FATE1: variants seen among roughly 807,000 people sequenced by gnomAD.
FATE1 encodes fetal and adult testis expressed 1.
Under a neutral mutation model 16.0 loss-of-function variants are expected in FATE1, and 18 were observed. The observed-to-expected ratio is 1.12, with a 90% CI of 0.78 to 1.66. FATE1 has a LOEUF of 1.66. Among genes scored for constraint, FATE1 ranks in the 40% most tolerant of loss-of-function variants. The pLI, the probability that FATE1 is intolerant of heterozygous loss-of-function variation, is 0.00. For synonymous variants in FATE1, 76 were observed against 56.9 expected, an observed-to-expected ratio of 1.34 and a Z score of -1.51; for missense variants, 169 against 152.7, an observed-to-expected ratio of 1.11 and a Z score of -0.56.
chrX:151,717,755 G>A (rs866859368), intron 2 of FATE1, among the ~76,000 whole-genome samples: 12 of 111,673 alleles, frequency 1.1e-4, no homozygotes, highest in African/African-American at 3.9e-4. Flanking sequence ...CACACAATAA[G>A]TCAGGTGAGG....
intron 4 of FATE1, among the ~76,000 whole-genome samples, 177 bp downstream of exon 4, chrX:151,722,158 G>A (rs1313033407): frequency 9.0e-6 from 1 of 110,901 alleles, no homozygotes; most frequent in Non-Finnish European, 1.9e-5. Context: ...CCGCATAGAT[G>A]TCCAGCCTCA....
intron 4 of FATE1, among the ~76,000 whole-genome samples, 175 bp downstream of exon 4, chrX:151,722,156 A>C (rs2015122123): frequency 9.0e-6 from 1 of 110,692 alleles, no homozygotes; most frequent in African/African-American, 3.3e-5. Context: ...CCCCGCATAG[A>C]TGTCCAGCCT....
intron 2 of FATE1, among the ~76,000 whole-genome samples, chrX:151,718,106 G>A (rs2015077542): frequency 1.2e-5 from 1 of 80,995 alleles, no homozygotes; most frequent in African/African-American, 4.7e-5. Flanking sequence ...AAGAAAGAGA[G>A]AGAGAGGAAG....
In FATE1 at chrX:151,722,739, T is replaced by C; in HGVS notation, c.532T>C (p.Trp178Arg). The stretch of plus-strand genomic sequence containing the variant: ...GGTGTCGGCCAGCATTGCCAACCTG[T>C]GGCTGTGGATGAACCAGTGATCGCC... The part of the protein sequence containing the change: ...VLVSASIANL[W>R]LWMNQ The change falls in exon 5 of 5, where the codon TGG (tryptophan) becomes CGG (arginine). Residue 178 changes from tryptophan to arginine, a missense_variant. By Grantham distance (101) the Trp-to-Arg change is moderately radical (BLOSUM62 -3). Coordinates refer to ENST00000370350, the MANE Select transcript of FATE1 (RefSeq NM_033085.3). 1 of 1,210,498 alleles carries C rather than the reference T, an allele frequency of 8.3e-7. No individual in the cohort carries two copies. Among genetic ancestry groups the C allele is most frequent in the Non-Finnish European group, 1.1e-6 (1 of 894,662 alleles).
intron 2 of FATE1, among the ~76,000 whole-genome samples, chrX:151,718,901 G>A (rs1197777778): frequency 1.8e-5 from 2 of 112,051 alleles, no homozygotes; most frequent in Non-Finnish European, 3.8e-5. Flanking sequence ...TGATTTATTG[G>A]GTGGCCCCAG....
Position 151,721,357 on chromosome X carries a change from G to A in FATE1, c.235-38G>A, listed in dbSNP as rs780796397. Reference sequence around the variant, plus strand: ...AAACTGGAGAAGCCACTCATGTGGGGTTGGGCAGGCTACTTTACTGACCAT... The same window carrying A: ...AAACTGGAGAAGCCACTCATGTGGGATTGGGCAGGCTACTTTACTGACCAT... On this transcript the variant is annotated intron_variant, in intron 2 of 4. Coordinates refer to ENST00000370350, the MANE Select transcript of FATE1 (RefSeq NM_033085.3). 51 of 1,160,723 alleles carry A rather than the reference G, an allele frequency of 4.4e-5. No individual in the cohort carries two copies. The Admixed American group carries it at 1.1e-3, about 25-fold the overall frequency.
In FATE1 at chrX:151,716,811, C is replaced by T. The variant is rs892426064; in HGVS notation, c.107-461C>T. On this transcript the variant is annotated intron_variant, in intron 1 of 4. Transcript: ENST00000370350. ...TTCCCTCAATTTCCCAGGGCTGGGT[C>T]CTTTTTTTCCTTCAGGTCCCCACCT... Among the ~76,000 whole-genome samples the T allele has an allele frequency of 2.7e-5, 3 of 111,417 alleles. No homozygotes were observed. The South Asian group carries it at 1.2e-3, about 43-fold the overall frequency.
At chrX:151,721,620 G>A (rs2015116798) in intron 3 of FATE1, 119 bp downstream of exon 3, 1 of 634,177 alleles carries the variant, frequency 1.6e-6, no homozygotes, top group Admixed American at 2.7e-5. Context: ...CTCCCTGTCA[G>A]AGACCATGAG....
intron 1 of FATE1, among the ~76,000 whole-genome samples, chrX:151,716,525 T>C (rs1306703059): frequency 9.0e-6 from 1 of 111,649 alleles, no homozygotes; most frequent in East Asian, 2.8e-4. Flanking sequence ...GCTCAAATTA[T>C]GAGACCAGAG....
In FATE1 at chrX:151,722,646, C is replaced by A; in HGVS notation, c.439C>A (p.Arg147Ser). The change falls in exon 5 of 5, where the codon CGT (arginine) becomes AGT (serine). Residue 147 changes from arginine to serine, a missense_variant. Physicochemically the swap from Arg to Ser is moderately radical, Grantham distance 110. Transcript: ENST00000370350. ...MRRQLYAVNR[R>S]LRALEEQGAT... ...TCTGCAGCTGTATGCAGTCAACCGGCGTCTGCGCGCCCTGGAGGAACAGGG... is the reference window on the plus strand; with the variant it reads ...TCTGCAGCTGTATGCAGTCAACCGGAGTCTGCGCGCCCTGGAGGAACAGGG... The A allele has an allele frequency of 1.6e-6, 2 of 1,212,294 alleles. No homozygotes were observed. The highest frequency in any genetic ancestry group is 2.2e-6 in the Non-Finnish European group (2 of 895,535).
In FATE1 at chrX:151,722,784, G is replaced by T; in HGVS notation, c.*25G>T. The T allele has an allele frequency of 9.3e-6, 11 of 1,187,626 alleles. No homozygotes were observed. The highest frequency in any genetic ancestry group is 1.2e-5 in the Non-Finnish European group (11 of 882,588). On this transcript the variant is annotated 3_prime_UTR_variant, in exon 5 of 5. Transcript: ENST00000370350. ...ATCGCCCCAGCGCGGCCTCCGTATT[G>T]GAGCCCTCCCTGCTTCCCCTTCTTT...
chrX:151,716,468 C>T (rs1163571830), intron 1 of FATE1, among the ~76,000 whole-genome samples: 1 of 111,152 alleles, frequency 9.0e-6, no homozygotes, highest in South Asian at 3.9e-4. Flanking sequence ...ACCTCTGTCT[C>T]CCCCTTATCC....
At chrX:151,718,132 G>A (rs1430676796) in intron 2 of FATE1, among the ~76,000 whole-genome samples, 9 of 79,767 alleles carry the variant, frequency 1.1e-4, no homozygotes, top group African/African-American at 3.1e-4. Flanking sequence ...AAGGAAGGAA[G>A]GAAGGAAGGA....
Position 151,717,310 on chromosome X carries a change from C to T in FATE1, c.145C>T (p.Gln49Ter). ...ELGSRSRGAS[Q>*]KKQKLEQKAA... is the part of the protein sequence containing the mutation. Reference sequence around the variant, plus strand: ...TGGATCTCGGTCCCGGGGTGCCTCCCAGAAGAAGCAGAAGTTGGAACAAAA... The same window carrying T: ...TGGATCTCGGTCCCGGGGTGCCTCCTAGAAGAAGCAGAAGTTGGAACAAAA... The change falls in exon 2 of 5, where the codon CAG (glutamine) becomes TAG (stop). Residue 49 changes from glutamine (Q) to a stop codon, truncating the protein, a stop_gained. Coordinates refer to ENST00000370350, the MANE Select transcript of FATE1 (RefSeq NM_033085.3). LOFTEE classifies it high-confidence loss of function. 1 of 1,207,783 alleles carries T rather than the reference C, an allele frequency of 8.3e-7. No homozygotes were observed. The highest frequency in any genetic ancestry group is 1.1e-6 in the Non-Finnish European group (1 of 893,146).
intron 4 of FATE1, 110 bp downstream of exon 4, chrX:151,722,091 G>A: frequency 1.0e-5 from 7 of 679,431 alleles, no homozygotes; most frequent in East Asian, 3.3e-5. Context: ...TCCCTTTAGC[G>A]CTGGAGGTGG....
At chrX:151,718,602 T>C (rs1003906009) in intron 2 of FATE1, among the ~76,000 whole-genome samples, 6 of 107,349 alleles carry the variant, frequency 5.6e-5, no homozygotes, top group African/African-American at 2.1e-4. Flanking sequence ...GGAAATCATG[T>C]GAGTCCCATA....
Position 151,722,780 on chromosome X carries a change from T to C in FATE1, c.*21T>C. 8.4e-7 allele frequency: 1 copy of C among 1,188,705 alleles called. No individual in the cohort carries two copies. Among genetic ancestry groups the C allele is most frequent in the African/African-American group, 1.7e-5 (1 of 57,187 alleles). Reference sequence around the variant, plus strand: ...AGTGATCGCCCCAGCGCGGCCTCCGTATTGGAGCCCTCCCTGCTTCCCCTT... The same window carrying C: ...AGTGATCGCCCCAGCGCGGCCTCCGCATTGGAGCCCTCCCTGCTTCCCCTT... On this transcript the variant is annotated 3_prime_UTR_variant, in exon 5 of 5. Coordinates refer to ENST00000370350, the MANE Select transcript of FATE1 (RefSeq NM_033085.3).
chrX:151,716,040 T>A lies in FATE1; in HGVS notation c.-80T>A. The A allele has an allele frequency of 2.1e-5, 18 of 848,966 alleles. No homozygotes were observed. The highest frequency in any genetic ancestry group is 3.0e-5 in the Non-Finnish European group (18 of 601,451). The allele number at this position is 848,966 out of a possible 1,213,427, so 70.0% of individuals were successfully genotyped here. On this transcript the variant is annotated 5_prime_UTR_variant, in exon 1 of 5. Coordinates refer to ENST00000370350, the MANE Select transcript of FATE1 (RefSeq NM_033085.3). Reference sequence around the variant, plus strand: ...CTTGAGCTCCTGTTTCCGGAAGAGGTGATTTTCTGAGTGTGACTCCTCTGT... The same window carrying A: ...CTTGAGCTCCTGTTTCCGGAAGAGGAGATTTTCTGAGTGTGACTCCTCTGT...
At chrX:151,718,413 A>G (rs1002290591) in intron 2 of FATE1, among the ~76,000 whole-genome samples, 2 of 112,013 alleles carry the variant, frequency 1.8e-5, no homozygotes, top group Middle Eastern at 4.2e-3. Flanking sequence ...TTGGAGGGGG[A>G]GGGAAACCTG....
Sources: gnomAD v4.1 joint callset for allele counts (sites outside exome capture counted in the v4.1 genomes callset) on GRCh38, gnomAD v4.1.1 for gene constraint, MANE v1.5 for transcripts, NCBI Gene and HGNC (gene_info 2026-07-23, HGNC 2026-07-21) for gene names.